Variants in IL4I1 observed in about 807,000 individuals in gnomAD.
IL4I1 encodes L-amino-acid oxidase.
IL4I1 carries 24 observed loss-of-function variants against 29.7 expected under a neutral mutation model. The observed-to-expected ratio is 0.81, with a 90% CI of 0.59 to 1.14. The LOEUF is 1.14. IL4I1 is among the 50% of genes most tolerant of loss of function. The pLI, the probability that IL4I1 is intolerant of heterozygous loss-of-function variation, is 0.00. For missense variants in IL4I1, 686 were observed against 785.6 expected, an observed-to-expected ratio of 0.87 and a Z score of 1.52; for synonymous variants, 371 against 352.5, an observed-to-expected ratio of 1.05 and a Z score of -0.59.
In IL4I1 at chr19:49,895,998, G is replaced by A; in HGVS notation, c.69C>T (p.Asp23=). 6.2e-7 allele frequency: 1 copy of A among 1,614,188 alleles called. No homozygotes were observed. The highest frequency in any genetic ancestry group is 8.5e-7 in the Non-Finnish European group (1 of 1,180,036). Reference sequence around the variant, plus strand: ...GGTCTTGGCTGCGTTCAGCCTTCCAGTCCTGGGAGGCCACCAGGCTGAGGA... The same window carrying A: ...GGTCTTGGCTGCGTTCAGCCTTCCAATCCTGGGAGGCCACCAGGCTGAGGA... ...PILLSLVASQ[D]WKAERSQDPF... The change falls in exon 3 of 8, where the codon GAC becomes GAT. Residue 23 remains aspartate (D), a synonymous_variant. Transcript: ENST00000391826.
intron 2 of IL4I1, among the ~76,000 whole-genome samples, chr19:49,911,759 T>C (rs2075469467): frequency 6.6e-6 from 1 of 152,232 alleles, no homozygotes; most frequent in East Asian, 1.9e-4. Context: ...TTAGCTCCAC[T>C]AAGCCAGTCT....
In IL4I1 at chr19:49,890,960, C is replaced by A; in HGVS notation, c.773+11G>T. On this transcript the variant is annotated intron_variant, in intron 7 of 7. Coordinates refer to ENST00000391826, the MANE Select transcript of IL4I1 (RefSeq NM_152899.2). ...CGCCCCCCCCCCCTGCCCGCCAGCC[C>A]CGCCCCTTACTGGAGTCTGTCGCTG... 1 of 1,455,942 alleles carries A rather than the reference C, an allele frequency of 6.9e-7. No individual in the cohort carries two copies. The highest frequency in any genetic ancestry group is 1.3e-5 in the South Asian group (1 of 74,180). 90.2% of individuals were successfully genotyped at this position (1,455,942 alleles called of 1,614,324 possible). A position where few individuals can be genotyped will look rare whatever the true frequency, so the allele number is the denominator to read the frequency against.
At chr19:49,907,617 A>T (rs546317922) in intron 2 of IL4I1, 26 of 400,262 alleles carry the variant, frequency 6.5e-5, no homozygotes, top group East Asian at 5.9e-4. Context: ...GTTCACTGCA[A>T]CACCTCCTGG....
At chr19:49,908,158 C>T (rs2075364855) in intron 2 of IL4I1, 4 of 1,560,620 alleles carry the variant, frequency 2.6e-6, no homozygotes, top group Non-Finnish European at 2.6e-6. Context: ...AGTATCTTGC[C>T]ACAACCCCAA....
upstream of IL4I1, among the ~76,000 whole-genome samples, chr19:49,900,003 T>C (rs1253970242): frequency 6.6e-6 from 1 of 151,972 alleles, no homozygotes; most frequent in Non-Finnish European, 1.5e-5. Flanking sequence ...CACAGCTAAA[T>C]TTTTGTACTT....
upstream of IL4I1, among the ~76,000 whole-genome samples, chr19:49,900,376 C>T (rs1400670511): frequency 2.0e-5 from 3 of 152,120 alleles, no homozygotes; most frequent in Non-Finnish European, 4.4e-5. Context: ...GCCTCTGCCT[C>T]CTGGGTTCAA....
At chr19:49,907,028 T>C (rs1310082777) in intron 2 of IL4I1, 1 of 153,872 alleles carries the variant, frequency 6.5e-6, no homozygotes, top group Non-Finnish European at 1.4e-5. Flanking sequence ...CGGCCACCAC[T>C]GGAAGCTGTG....
chr19:49,895,705 A>AC, intron 3 of IL4I1, 110 bp downstream of exon 3: 56 of 464,326 alleles, frequency 1.2e-4, no homozygotes, highest in Middle Eastern at 8.2e-4. Context: ...CTCTCCCCCC[A>AC]CATCCCCACC....
chr19:49,895,784 C>T, intron 3 of IL4I1, 31 bp downstream of exon 3: 1 of 1,606,180 alleles, frequency 6.2e-7, no homozygotes, highest in Non-Finnish European at 8.5e-7. Flanking sequence ...GCAGGAGGGA[C>T]TCCAGGTAGA....
intron 2 of IL4I1, among the ~76,000 whole-genome samples, chr19:49,915,135 G>A (rs114004208): frequency 7.0e-4 from 107 of 152,244 alleles, no homozygotes; most frequent in African/African-American, 2.5e-3. Flanking sequence ...GGAAGAATTA[G>A]GAAGGATGTG....
chr19:49,898,310 G>A (rs1457080915), upstream of IL4I1, among the ~76,000 whole-genome samples: 1 of 152,064 alleles, frequency 6.6e-6, no homozygotes, highest in Non-Finnish European at 1.5e-5. Context: ...GACAGAGCCA[G>A]ACTCCATCTC....
At chr19:49,890,928 T>TGGGCGGGGGGGG in intron 7 of IL4I1, 43 bp downstream of exon 7, 1 of 633,210 alleles carries the variant, frequency 1.6e-6, no homozygotes. Context: ...TTTCCCTGAT[T>TGGGCGGGGGGGG]GCCCCCCGCC....
rs149516119 is a variant in IL4I1, at chr19:49,914,832, C to T, written c.-227-10511G>A. 7.1e-3 allele frequency among the ~76,000 whole-genome samples: 1,070 copies of T among 149,774 alleles called. 6 individuals carry two copies. The highest frequency in any genetic ancestry group is 0.02 in the African/African-American group (822 of 40,578). Reference sequence around the variant, plus strand: ...TTGGCTCACTACAACCTCCGCCTCCCGGGTTCAAGCAATTCTCCCACCTCA... The same window carrying T: ...TTGGCTCACTACAACCTCCGCCTCCTGGGTTCAAGCAATTCTCCCACCTCA... On this transcript the variant is annotated intron_variant, in intron 2 of 9. Coordinates refer to the IL4I1 transcript ENST00000341114.
At chr19:49,899,265 G>A (rs1227205985), upstream of IL4I1, among the ~76,000 whole-genome samples, 1 of 152,200 alleles carries the variant, frequency 6.6e-6, no homozygotes, top group Non-Finnish European at 1.5e-5. Context: ...GGAGTTTTTG[G>A]GTCCCCAGAG....
upstream of IL4I1, among the ~76,000 whole-genome samples, chr19:49,897,227 G>A (rs957305869): frequency 1.3e-5 from 2 of 152,140 alleles, no homozygotes; most frequent in African/African-American, 4.8e-5. Flanking sequence ...TGATTCCCAC[G>A]GGGACAGAGG....
In IL4I1 at chr19:49,894,362, A is replaced by G; in HGVS notation, c.473T>C (p.Val158Ala). The G allele has an allele frequency of 1.2e-6, 2 of 1,614,214 alleles. No homozygotes were observed. The highest frequency in any genetic ancestry group is 1.3e-5 in the African/African-American group (1 of 75,048). The change falls in exon 5 of 8, where the codon GTG (valine) becomes GCG (alanine). Residue 158 changes from valine (V) to alanine (A), a missense_variant. By Grantham distance (64) the Val-to-Ala change is moderately conservative. Transcript: ENST00000391826. ...CAGCTTCTCGGGCACCTTCTCCACC[A>G]CATAGTTGCGCAGCTTCACTTCGTG... ...EVHEVKLRNY[V>A]VEKVPEKLGY...
At chr19:49,913,385 C>T (rs2075530486) in intron 2 of IL4I1, among the ~76,000 whole-genome samples, 1 of 152,124 alleles carries the variant, frequency 6.6e-6, no homozygotes, top group African/African-American at 2.4e-5. Context: ...ACCTGGGGCC[C>T]CAGGCCACTC....
chr19:49,912,444 C>T (rs2075493859), intron 2 of IL4I1, among the ~76,000 whole-genome samples: 1 of 151,372 alleles, frequency 6.6e-6, no homozygotes. Context: ...GTTGGGATTA[C>T]AGGCATGAGC....
rs1600470073 is a variant in IL4I1, at chr19:49,894,266, A to C, written c.567+2T>G. ...CGGGAGGAGGGTGCAGGCGGTACCC[A>C]CCTGGTTGAGAGCCATCTGGTAGAT... is the stretch of plus-strand genomic sequence containing the variant. On this transcript the variant is annotated splice_donor_variant, in intron 5 of 7. Coordinates refer to ENST00000391826, the MANE Select transcript of IL4I1 (RefSeq NM_152899.2). LOFTEE classifies it high-confidence loss of function. The C allele has an allele frequency of 1.2e-6, 2 of 1,612,812 alleles. No individual in the cohort carries two copies. Among genetic ancestry groups the C allele is most frequent in the East Asian group, 4.5e-5 (2 of 44,834 alleles).
Sources: gnomAD v4.1 joint callset for allele counts (sites outside exome capture counted in the v4.1 genomes callset) on GRCh38, gnomAD v4.1.1 for gene constraint, MANE v1.5 for transcripts, NCBI Gene and HGNC (gene_info 2026-07-23, HGNC 2026-07-21) for gene names.